Variants in CUX2 observed in about 807,000 individuals in gnomAD.
The protein encoded by CUX2 is cut like homeobox 2, also known as homeobox protein cut-like 2.
Under a neutral mutation model 144.8 loss-of-function variants are expected in CUX2, and 40 were observed. The observed-to-expected ratio is 0.28, with a 90% CI of 0.21 to 0.36. CUX2 has a LOEUF of 0.36. CUX2 is among the 10% of genes least tolerant of loss of function. The pLI is 1.00. For synonymous variants in CUX2, 827 were observed against 875.6 expected (o/e 0.94, Z 0.98); for missense variants, 1,615 against 1,994.0 (o/e 0.81, Z 3.62).
intron 1 of CUX2, among the ~76,000 whole-genome samples, chr12:111,056,693 C>T (rs554079720): frequency 5.1e-4 from 77 of 152,196 alleles, no homozygotes; most frequent in Non-Finnish European, 6.3e-4. Context: ...GGGAGGAGGA[C>T]GTAGATCCCA....
At chr12:111,344,855 T>A (rs1187145265) in intron 21 of CUX2, among the ~76,000 whole-genome samples, 1 of 152,216 alleles carries the variant, frequency 6.6e-6, no homozygotes. Flanking sequence ...CCTTTATCAG[T>A]GCAAATCAGA....
intron 3 of CUX2, among the ~76,000 whole-genome samples, chr12:111,247,773 C>T (rs191511965): frequency 2.0e-5 from 3 of 152,346 alleles, no homozygotes; most frequent in Middle Eastern, 3.4e-3. Context: ...GCGTCCACCC[C>T]TCATGTTCCC....
At chr12:111,283,618 G>A (rs551172586) in intron 4 of CUX2, among the ~76,000 whole-genome samples, 26 of 152,242 alleles carry the variant, frequency 1.7e-4, no homozygotes, top group African/African-American at 4.6e-4. Context: ...GCTTGGGGAC[G>A]CTAAGTGACT....
intron 18 of CUX2, among the ~76,000 whole-genome samples, chr12:111,330,529 G>A (rs1888039195): frequency 6.6e-6 from 1 of 150,682 alleles, no homozygotes; most frequent in South Asian, 2.1e-4. Flanking sequence ...GTGTCATGAG[G>A]GTCACTTGAG....
chr12:111,276,196 T>A (rs528978052), intron 4 of CUX2, among the ~76,000 whole-genome samples: 1 of 151,992 alleles, frequency 6.6e-6, no homozygotes, highest in South Asian at 2.1e-4. Context: ...CTACAAAAAA[T>A]TTTAAAAATA....
At chr12:111,118,748 G>A (rs183837360) in intron 1 of CUX2, among the ~76,000 whole-genome samples, 135 of 152,240 alleles carry the variant, frequency 8.9e-4, no homozygotes, top group Non-Finnish European at 1.7e-3. Context: ...TTAGACCCTT[G>A]GCTGCCCATT....
At chr12:111,244,929 TA>T (rs1883206073) in intron 3 of CUX2, among the ~76,000 whole-genome samples, 3 of 152,182 alleles carry the variant, frequency 2.0e-5, no homozygotes, top group Admixed American at 2.0e-4. Context: ...TCCCACCAAA[TA>T]CATGCCTCTC....
intron 3 of CUX2, among the ~76,000 whole-genome samples, chr12:111,249,405 T>C (rs1883444624): frequency 6.7e-6 from 1 of 150,220 alleles, no homozygotes; most frequent in South Asian, 2.1e-4. Context: ...ATTGCCTTTT[T>C]TTTTTTTTTT....
rs758646648 is a variant in CUX2 at position 111,057,310 on chromosome 12, A to G, written c.63+23070A>G. Among the ~76,000 whole-genome samples the G allele has an allele frequency of 1.1e-4, 17 of 151,872 alleles. No homozygotes were observed. Among genetic ancestry groups the G allele is most frequent in the Non-Finnish European group, 1.9e-4 (13 of 67,986 alleles). On this transcript the variant is annotated intron_variant, in intron 1 of 21. Coordinates refer to ENST00000261726, the MANE Select transcript of CUX2 (RefSeq NM_015267.4). The surrounding 1 kb of genome is among the most constrained non-coding windows in gnomAD (Gnocchi z 5.1). ...TGTTACAGGAAGCTGTGTGAGGGCA[A>G]TGGGTGTGGCAGGAGATTATGTGAG...
chr12:111,347,806 G>C lies in CUX2; in HGVS notation c.3942G>C (p.Gln1314His). ...ATGCTGAGGAAGAGGCAGGCAGCCA[G>C]CCCCAGGACTCAGGGGAGCTGGACA... Reference protein sequence around the residue: ...EEDAEEEAGSQPQDSGELDKG... With the variant: ...EEDAEEEAGSHPQDSGELDKG... The change falls in exon 22 of 22, where the codon CAG (glutamine) becomes CAC (histidine). Residue 1314 changes from glutamine (Q) to histidine (H), a missense_variant. Coordinates refer to ENST00000261726, the MANE Select transcript of CUX2 (RefSeq NM_015267.4). 6.2e-7 allele frequency: 1 copy of C among 1,614,082 alleles called. No homozygotes were observed. Among genetic ancestry groups the C allele is most frequent in the African/African-American group, 1.3e-5 (1 of 75,036 alleles).
rs188782989 is a variant in CUX2 at position 111,191,822 on chromosome 12, C to A, written c.64-22378C>A. ...CCCCACTTTGTTCATGCCCAGAGGC[C>A]AGTGTCACCCCACCTCCTTCGGGGC... is the stretch of plus-strand genomic sequence containing the variant. On this transcript the variant is annotated intron_variant, in intron 1 of 21. Coordinates refer to ENST00000261726, the MANE Select transcript of CUX2 (RefSeq NM_015267.4). 4.7e-3 allele frequency among the ~76,000 whole-genome samples: 721 copies of A among 152,276 alleles called. 4 individuals are homozygous for A. Among genetic ancestry groups the A allele is most frequent in the African/African-American group, 0.016 (683 of 41,554 alleles).
intron 1 of CUX2, among the ~76,000 whole-genome samples, chr12:111,181,046 G>A (rs1176530604): frequency 1.3e-5 from 2 of 152,230 alleles, no homozygotes; most frequent in African/African-American, 4.8e-5. Flanking sequence ...TCTTTGCAGA[G>A]CTCCGGCAGC....
chr12:111,110,719 A>T (rs1390058150), intron 1 of CUX2, among the ~76,000 whole-genome samples: 2 of 152,224 alleles, frequency 1.3e-5, no homozygotes, highest in African/African-American at 2.4e-5. Flanking sequence ...AAGTGAAAAA[A>T]CAGTTTTGGC....
intron 1 of CUX2, chr12:111,099,803 C>T: frequency 2.4e-6 from 1 of 420,994 alleles, no homozygotes; most frequent in Non-Finnish European, 4.8e-6. Context: ...TCAGAGTGAC[C>T]CTCTGTCCCC....
chr12:111,178,434 A>T lies in CUX2; in HGVS notation c.64-35766A>T, dbSNP rs1231411147. On this transcript the variant is annotated intron_variant, in intron 1 of 21. Coordinates refer to ENST00000261726, the MANE Select transcript of CUX2 (RefSeq NM_015267.4). The surrounding 1 kb of genome is among the most constrained non-coding windows in gnomAD (Gnocchi z 5.7). ...CAAGTCCAGCCCTCTGACTGGGTTC[A>T]TCCTTGTTCCACAACTTCCTTGGCT... Among the ~76,000 whole-genome samples the T allele has an allele frequency of 6.6e-6, 1 of 152,198 alleles. No homozygotes were observed. The highest frequency in any genetic ancestry group is 1.5e-5 in the Non-Finnish European group (1 of 68,046).
chr12:111,160,724 G>T lies in CUX2; in HGVS notation c.64-53476G>T, dbSNP rs187093325. On this transcript the variant is annotated intron_variant, in intron 1 of 21. Transcript: ENST00000261726. The surrounding 1 kb of genome is among the most constrained non-coding windows in gnomAD (Gnocchi z 4.1). ...TCTGGAACAGCACCGTGGGGGGCAG[G>T]CGGTGGCCTGGAGGAGGAGGCTTGG... 9.6e-4 allele frequency among the ~76,000 whole-genome samples: 146 copies of T among 152,282 alleles called. No homozygotes were observed. The highest frequency in any genetic ancestry group is 3.3e-3 in the African/African-American group (139 of 41,548).
At chr12:111,049,981 C>T (rs1451350134) in intron 1 of CUX2, among the ~76,000 whole-genome samples, 1 of 152,154 alleles carries the variant, frequency 6.6e-6, no homozygotes, top group East Asian at 1.9e-4. Flanking sequence ...CCCACCTATG[C>T]TGTTGGACCA....
chr12:111,055,001 C>T (rs887131763), intron 1 of CUX2, among the ~76,000 whole-genome samples: 6 of 152,208 alleles, frequency 3.9e-5, no homozygotes, highest in African/African-American at 1.4e-4. Flanking sequence ...TTGTGCAAGG[C>T]CACACAGCAG....
Position 111,348,469 on chromosome 12 carries a change from G to A in CUX2, c.*144G>A, listed in dbSNP as rs952837745. On this transcript the variant is annotated 3_prime_UTR_variant, in exon 22 of 22. Coordinates refer to ENST00000261726, the MANE Select transcript of CUX2 (RefSeq NM_015267.4). Reference sequence around the variant, plus strand: ...TGTTATGCCGTTTACGTTTTTTGTTGTAATCCTAGTTCTATGAAGCTGTGT... The same window carrying A: ...TGTTATGCCGTTTACGTTTTTTGTTATAATCCTAGTTCTATGAAGCTGTGT... 7.5e-6 allele frequency: 6 copies of A among 799,272 alleles called. No individual in the cohort carries two copies. Among genetic ancestry groups the A allele is most frequent in the South Asian group, 1.8e-5 (1 of 55,152 alleles). 49.5% of individuals were successfully genotyped at this position (799,272 alleles called of 1,614,324 possible). A position where few individuals can be genotyped will look rare whatever the true frequency, so the allele number is the denominator to read the frequency against.
Sources: allele counts gnomAD v4.1 joint callset (sites outside exome capture counted in the v4.1 genomes callset), GRCh38; gene constraint gnomAD v4.1.1; non-coding constraint Gnocchi (gnomAD v3.1); transcripts MANE v1.5; gene names NCBI Gene and HGNC (gene_info 2026-07-23, HGNC 2026-07-21).